The following NLRP4 variants were observed in gnomAD, a reference collection of about 807,000 sequenced individuals.
The protein encoded by NLRP4 is NACHT, LRR and PYD domains-containing protein 4.
NLRP4 carries 44 observed loss-of-function variants against 84.7 expected under a neutral mutation model. The ratio of observed to expected loss-of-function variants is 0.52; its 90% CI spans 0.41 to 0.67. NLRP4 has a LOEUF of 0.67. NLRP4 is among the 30% of genes least tolerant of loss of function. The probability of loss-of-function intolerance (pLI) is 0.00; values close to 1 mark genes in which losing one functional copy is unlikely to be tolerated. For synonymous variants in NLRP4, 544 were observed against 476.4 expected, an observed-to-expected ratio of 1.14 and a Z score of -1.85; for missense variants, 1,260 against 1,219.4, an observed-to-expected ratio of 1.03 and a Z score of -0.50.
At position 55,850,024 on chromosome 19, in the gene NLRP4, G is replaced by GATTTCTGTAGCTGCGGTGGA. The variant is rs1983993125; in HGVS notation, c.-65-1987_-65-1986insTGTAGCTGCGGTGGAATTTC. Among the ~76,000 whole-genome samples the GATTTCTGTAGCTGCGGTGGA allele has an allele frequency of 3.6e-5, 4 of 110,494 alleles. 2 individuals are homozygous for GATTTCTGTAGCTGCGGTGGA. The highest frequency in any genetic ancestry group is 1.4e-4 in the African/African-American group (4 of 29,346). 72.5% of individuals were successfully genotyped at this position (110,494 alleles called of 152,430 possible). A position where few individuals can be genotyped will look rare whatever the true frequency, so the allele number is the denominator to read the frequency against. The stretch of plus-strand genomic sequence containing the variant: ...GGTGTGATTTCCGAGACTGCGGTGT[G>GATTTCTGTAGCTGCGGTGGA]ATTTCCGAGACTGCGGTGTGATTTC... On this transcript the variant is annotated intron_variant, in intron 1 of 9. Transcript: ENST00000301295.
At position 55,870,898 on chromosome 19, in the gene NLRP4, T is replaced by C; in HGVS notation, c.2426T>C (p.Val809Ala). The change falls in exon 7 of 10, where the codon GTG becomes GCG. Residue 809 changes from valine (V) to alanine (A), a missense_variant. Around this residue, in one of 3 missense-constraint regions of NLRP4, gnomAD observed 544 missense variants for 531.7 expected, o/e 1.02. Transcript: ENST00000301295. ...GAAATGCTTCTGCGTAACAAGAGCGTGCGCTATCTAGACCTCAGTGCCAAT... is the reference window on the plus strand; with the variant it reads ...GAAATGCTTCTGCGTAACAAGAGCGCGCGCTATCTAGACCTCAGTGCCAAT... Reference protein sequence around the residue: ...ISEMLLRNKSVRYLDLSANVL... With the variant: ...ISEMLLRNKSARYLDLSANVL... 1.2e-6 allele frequency: 2 copies of C among 1,614,044 alleles called. No homozygotes were observed. Among genetic ancestry groups the C allele is most frequent in the Non-Finnish European group, 1.7e-6 (2 of 1,179,894 alleles).
chr19:55,876,533 G>GTTT (rs145573237), intron 7 of NLRP4, among the ~76,000 whole-genome samples: 3 of 151,462 alleles, frequency 2.0e-5, no homozygotes, highest in Non-Finnish European at 4.4e-5. Flanking sequence ...TATTTTTTGT[G>GTTT]TTTTTTTTAG....
chr19:55,855,034 A>G (rs1018258095), intron 2 of NLRP4, among the ~76,000 whole-genome samples: 7 of 152,060 alleles, frequency 4.6e-5, no homozygotes, highest in African/African-American at 9.7e-5. Flanking sequence ...ACCCAGTCCA[A>G]ATTTTTAAAC....
chr19:55,847,865 C>T (rs1425814082), intron 1 of NLRP4, among the ~76,000 whole-genome samples: 1 of 152,058 alleles, frequency 6.6e-6, no homozygotes, highest in South Asian at 2.1e-4. Flanking sequence ...CAGACACCTG[C>T]CACCACGCCC....
rs1983782894 is a variant in NLRP4, at chr19:55,846,077, T to C, written c.-65-5939T>C. On this transcript the variant is annotated intron_variant, in intron 1 of 9. Transcript: ENST00000301295. ...CTTTTGTTGCCATTGCTTGGTGTTTTAGACATGAAGTCCTTGGCCATGCCT... is the reference window on the plus strand; with the variant it reads ...CTTTTGTTGCCATTGCTTGGTGTTTCAGACATGAAGTCCTTGGCCATGCCT... Among the ~76,000 whole-genome samples the C allele has an allele frequency of 2.0e-5, 3 of 152,242 alleles. No individual in the cohort carries two copies. In the South Asian group the frequency reaches 6.2e-4, roughly 32 times the overall value.
chr19:55,872,023 T>G (rs1282521045), intron 7 of NLRP4, among the ~76,000 whole-genome samples: 1 of 152,098 alleles, frequency 6.6e-6, no homozygotes, highest in African/African-American at 2.4e-5. Context: ...AATTTTTTTG[T>G]ATTTTTAGTA....
intron 1 of NLRP4, among the ~76,000 whole-genome samples, chr19:55,842,699 G>A (rs759665193): frequency 3.3e-5 from 5 of 150,968 alleles, no homozygotes; most frequent in African/African-American, 7.3e-5. Context: ...ATTTCCTATA[G>A]TGTAAGTCTT....
chr19:55,865,295 A>G (rs1984913625), intron 5 of NLRP4, among the ~76,000 whole-genome samples: 1 of 152,224 alleles, frequency 6.6e-6, no homozygotes, highest in South Asian at 2.1e-4. Context: ...AGCTCCATCC[A>G]TGTTGCTACA....
At chr19:55,864,889 G>T (rs1031051090) in intron 5 of NLRP4, among the ~76,000 whole-genome samples, 1 of 152,042 alleles carries the variant, frequency 6.6e-6, no homozygotes, top group Non-Finnish European at 1.5e-5. Context: ...CTTCTTTGGA[G>T]AAATATATAT....
intron 1 of NLRP4, among the ~76,000 whole-genome samples, chr19:55,840,949 T>C (rs1983591662): frequency 1.3e-5 from 2 of 152,204 alleles, no homozygotes; most frequent in Non-Finnish European, 2.9e-5. Flanking sequence ...GTGAGTAAGA[T>C]GGGTTATCAT....
At chr19:55,855,097 C>G (rs1984359415) in intron 2 of NLRP4, among the ~76,000 whole-genome samples, 1 of 152,124 alleles carries the variant, frequency 6.6e-6, no homozygotes, top group South Asian at 2.1e-4. Context: ...GAGGTCTCAG[C>G]TACCCTGGAA....
intron 5 of NLRP4, among the ~76,000 whole-genome samples, chr19:55,867,358 C>G (rs1182988350): frequency 4.7e-5 from 7 of 148,500 alleles, no homozygotes; most frequent in Non-Finnish European, 7.4e-5. Flanking sequence ...ACCCTAGAGA[C>G]TGTAAGCCAA....
At chr19:55,861,289 A>G (rs990968597) in intron 3 of NLRP4, 97 bp from the exon 4 acceptor site, 5 of 1,018,678 alleles carry the variant, frequency 4.9e-6, no homozygotes, top group South Asian at 1.6e-5. Flanking sequence ...TGCCTCAGAC[A>G]TCTTCTGTTT....
intron 5 of NLRP4, among the ~76,000 whole-genome samples, chr19:55,865,599 C>G (rs147604242): frequency 3.9e-5 from 6 of 152,256 alleles, no homozygotes; most frequent in Middle Eastern, 3.4e-3. Flanking sequence ...TAAGTGTACA[C>G]TTTTCTCTGC....
At chr19:55,864,654 C>T (rs781608110) in intron 5 of NLRP4, among the ~76,000 whole-genome samples, 35 of 152,176 alleles carry the variant, frequency 2.3e-4, no homozygotes, top group Non-Finnish European at 4.1e-4. Context: ...TCAGTGACTG[C>T]ACAATTCTGT....
intron 1 of NLRP4, among the ~76,000 whole-genome samples, chr19:55,843,936 C>G (rs1333332118): frequency 1.3e-5 from 2 of 152,070 alleles, no homozygotes; most frequent in African/African-American, 4.8e-5. Context: ...TTTTATCTCT[C>G]TCTTCTTGGA....
At position 55,858,795 on chromosome 19, in the gene NLRP4, A is replaced by G. The variant is rs751580160; in HGVS notation, c.1402A>G (p.Ser468Gly). 5.0e-6 allele frequency: 8 copies of G among 1,614,034 alleles called. No homozygotes were observed. Among genetic ancestry groups the G allele is most frequent in the Non-Finnish European group, 6.8e-6 (8 of 1,180,012 alleles). Residue 468 changes from serine (S) to glycine (G), a missense_variant, in exon 3 of 10, where the codon AGC (serine) becomes GGC (glycine). This residue lies in a region of NLRP4 where 712 missense variants were observed against 669.2 expected (regional missense o/e 1.06). Coordinates refer to ENST00000301295, the MANE Select transcript of NLRP4 (RefSeq NM_134444.5). The surrounding 1 kb of genome is among the most constrained non-coding windows in gnomAD (Gnocchi z 4.2). ...FCAALFYLLK[S>G]HLDHPHPAVR... is the part of the protein sequence containing the mutation. The stretch of plus-strand genomic sequence containing the variant: ...TGCCGCCTTGTTCTATTTGCTCAAG[A>G]GCCACCTTGATCATCCTCACCCAGC...
In NLRP4 at chr19:55,867,873, T is replaced by C. The variant is rs1240539808; in HGVS notation, c.2351T>C (p.Leu784Pro). The C allele has an allele frequency of 2.5e-6, 4 of 1,613,434 alleles. No individual in the cohort carries two copies. Among genetic ancestry groups the C allele is most frequent in the Non-Finnish European group, 3.4e-6 (4 of 1,179,620 alleles). ...LCSPDTVLVY[L>P]MLAFCHLSEQ... ...AGCCCAGACACGGTCCTGGTATACC[T>C]GATGTGAGTGGATGTTGGGGGTGCC... Residue 784 changes from leucine (L) to proline (P), a missense_variant, in exon 6 of 10, where the codon CTG (leucine) becomes CCG (proline). Around this residue, in one of 3 missense-constraint regions of NLRP4, gnomAD observed 544 missense variants for 531.7 expected, o/e 1.02. Coordinates refer to ENST00000301295, the MANE Select transcript of NLRP4 (RefSeq NM_134444.5).
At chr19:55,869,756 C>CT (rs1491273718) in intron 6 of NLRP4, among the ~76,000 whole-genome samples, 1 of 148,302 alleles carries the variant, frequency 6.7e-6, no homozygotes, top group East Asian at 2.0e-4. Flanking sequence ...CTACTCCACA[C>CT]TTTTTTTTCA....
Sources: allele counts gnomAD v4.1 joint callset (sites outside exome capture counted in the v4.1 genomes callset), GRCh38; gene constraint gnomAD v4.1.1; regional missense constraint gnomAD v4.1.1; non-coding constraint Gnocchi (gnomAD v3.1); transcripts MANE v1.5; gene names NCBI Gene and HGNC (gene_info 2026-07-23, HGNC 2026-07-21).